The following WLS variants were observed in gnomAD, a reference collection of about 807,000 sequenced individuals.
The protein encoded by WLS is Wnt ligand secretion mediator.
WLS carries 23 observed loss-of-function variants against 62.8 expected under a neutral mutation model. That is an observed-to-expected ratio of 0.37 (90% CI 0.26 to 0.52). The LOEUF is 0.52. Among genes scored for constraint, WLS ranks in the 20% least tolerant of loss-of-function variants. WLS has a pLI of 0.92. For missense variants in WLS, 615 were observed against 697.3 expected (o/e 0.88, Z 1.33); for synonymous variants, 246 against 244.1 (o/e 1.01, Z -0.07).
chr1:68,129,506 C>T (rs539142070), intron 11 of WLS, among the ~76,000 whole-genome samples: 18 of 152,248 alleles, frequency 1.2e-4, no homozygotes, highest in Middle Eastern at 3.4e-3. Flanking sequence ...TTTCCTTGTA[C>T]GATGTGAAGC....
chr1:68,161,612 T>A (rs146198946), intron 2 of WLS: 3 of 669,896 alleles, frequency 4.5e-6, no homozygotes, highest in Non-Finnish European at 7.5e-6. Context: ...CTAGCTCTTG[T>A]AGTTTTAACA....
chr1:68,159,319 T>G, intron 2 of WLS, 72 bp from the exon 3 acceptor site: 1 of 1,563,010 alleles, frequency 6.4e-7, no homozygotes, highest in Non-Finnish European at 8.7e-7. Flanking sequence ...CAAAAAATTC[T>G]TATAGGCTTT....
intron 2 of WLS, chr1:68,162,436 C>T (rs114046899): frequency 1.2e-6 from 2 of 1,613,902 alleles, no homozygotes; most frequent in South Asian, 1.1e-5. Flanking sequence ...GCCCAGGGAT[C>T]GCTCGATCCC....
intron 11 of WLS, among the ~76,000 whole-genome samples, chr1:68,119,949 G>C (rs1456541214): frequency 6.6e-6 from 1 of 152,206 alleles, no homozygotes; most frequent in African/African-American, 2.4e-5. Context: ...AGGCCAAGGG[G>C]TTTCTGGATA....
At chr1:68,140,977 G>A (rs936668902) in intron 10 of WLS, among the ~76,000 whole-genome samples, 5 of 57,108 alleles carry the variant, frequency 8.8e-5, no homozygotes, top group Non-Finnish European at 1.4e-4. Context: ...GCCCCCCTCC[G>A]CCAAACCCTC....
chr1:68,153,485 T>C (rs1646854191), intron 5 of WLS, 32 bp downstream of exon 5: 1 of 1,613,394 alleles, frequency 6.2e-7, no homozygotes, highest in African/African-American at 1.3e-5. Flanking sequence ...GAAGCCAGTA[T>C]TCCTGAAGAG....
intron 1 of WLS, among the ~76,000 whole-genome samples, chr1:68,196,989 A>G (rs1648701236): frequency 6.6e-6 from 1 of 152,154 alleles, no homozygotes; most frequent in Non-Finnish European, 1.5e-5. Flanking sequence ...CATGAATTCT[A>G]TTTTCGGCTA....
intron 1 of WLS, among the ~76,000 whole-genome samples, chr1:68,226,068 T>G (rs1027731383): frequency 5.9e-5 from 9 of 152,218 alleles, no homozygotes; most frequent in Admixed American, 2.6e-4. Context: ...AGGCACTTTT[T>G]GGGTCTGTAC....
chr1:68,134,507 C>G lies in WLS; in HGVS notation c.1516+3273G>C, dbSNP rs181523510. 6.1e-4 allele frequency among the ~76,000 whole-genome samples: 93 copies of G among 152,252 alleles called. 1 individual carries two copies. The highest frequency in any genetic ancestry group is 2.2e-3 in the African/African-American group (91 of 41,542). ...CCCAAATAGTTTGCCCACTAAATTG[C>G]CTGAAGAATGTTTTTTCACAGAGGG... On this transcript the variant is annotated intron_variant, in intron 11 of 11. Coordinates refer to ENST00000262348, the MANE Select transcript of WLS (RefSeq NM_024911.7).
chr1:68,205,819 G>C (rs1472371291), intron 1 of WLS, among the ~76,000 whole-genome samples: 2 of 152,218 alleles, frequency 1.3e-5, no homozygotes, highest in Admixed American at 1.3e-4. Flanking sequence ...CCTGGGCAAA[G>C]GAACCTTCTG....
At chr1:68,221,795 A>G (rs1649952575) in intron 1 of WLS, among the ~76,000 whole-genome samples, 1 of 152,220 alleles carries the variant, frequency 6.6e-6, no homozygotes, top group Non-Finnish European at 1.5e-5. Context: ...GACTCTGCTC[A>G]GTTTCAACAA....
intron 3 of WLS, among the ~76,000 whole-genome samples, chr1:68,157,576 T>G (rs1316734623): frequency 2.3e-5 from 1 of 43,078 alleles, no homozygotes; most frequent in Admixed American, 3.6e-4. Context: ...AGGTGGCAAC[T>G]TGACTTTTTT....
At chr1:68,105,546 C>T (rs897730808) in intron 11 of WLS, among the ~76,000 whole-genome samples, 1 of 152,124 alleles carries the variant, frequency 6.6e-6, no homozygotes, top group African/African-American at 2.4e-5. Flanking sequence ...GAAACAAAGG[C>T]AGAAATCACT....
chr1:68,156,904 G>C (rs953751197), intron 3 of WLS, among the ~76,000 whole-genome samples: 1 of 152,148 alleles, frequency 6.6e-6, no homozygotes, highest in Non-Finnish European at 1.5e-5. Flanking sequence ...TATCCTCTGT[G>C]GTAACAGCAA....
rs944433405 is a variant in WLS at position 68,105,991 on chromosome 1, C to T, written c.1511-7238G>A. ...ACATAATCACTTCTCTTTTTTCCTT[C>T]AGAATGATGACCTAAAACTAAACAT... On this transcript the variant is annotated intron_variant, in intron 11 of 11. Transcript: ENST00000354777. 1.1e-4 allele frequency among the ~76,000 whole-genome samples: 17 copies of T among 151,880 alleles called. 1 individual carries two copies. Among genetic ancestry groups the T allele is most frequent in the Admixed American group, 1.0e-3 (16 of 15,240 alleles).
At chr1:68,155,355 C>T (rs1024789070) in intron 3 of WLS, 95 bp from the exon 4 acceptor site, 4 of 1,434,594 alleles carry the variant, frequency 2.8e-6, no homozygotes, top group East Asian at 4.7e-5. Context: ...CAATTGTAAG[C>T]AGCTAATGCT....
At chr1:68,200,431 T>C (rs1278383276) in intron 1 of WLS, among the ~76,000 whole-genome samples, 1 of 150,830 alleles carries the variant, frequency 6.6e-6, no homozygotes, top group Non-Finnish European at 1.5e-5. Flanking sequence ...TTATTAGCCT[T>C]TATTTTTTAA....
chr1:68,162,603 C>G, intron 2 of WLS: 1 of 1,392,668 alleles, frequency 7.2e-7, no homozygotes, highest in South Asian at 1.2e-5. Flanking sequence ...GCTCCATGCT[C>G]TGAACCCGTG....
intron 5 of WLS, among the ~76,000 whole-genome samples, chr1:68,152,380 AG>A (rs1434006086): frequency 6.6e-6 from 1 of 152,204 alleles, no homozygotes; most frequent in East Asian, 1.9e-4. Context: ...AGAGGTCCAA[AG>A]CAGGTGCCCC....
Sources: gnomAD v4.1 joint callset for allele counts (sites outside exome capture counted in the v4.1 genomes callset) on GRCh38, gnomAD v4.1.1 for gene constraint, MANE v1.5 for transcripts, NCBI Gene and HGNC (gene_info 2026-07-23, HGNC 2026-07-21) for gene names.